ZNF76: variants seen among roughly 807,000 people sequenced by gnomAD.
The protein encoded by ZNF76 is zinc finger protein 523.
Under a neutral mutation model 66.9 loss-of-function variants are expected in ZNF76, and 66 were observed. That is an observed-to-expected ratio of 0.99 (90% CI 0.81 to 1.21). ZNF76 has a LOEUF of 1.21. Ranked by LOEUF, ZNF76 falls within the 50% of genes most tolerant of loss-of-function variation. ZNF76 has a pLI of 0.00. For synonymous variants in ZNF76, 275 were observed against 296.1 expected, an observed-to-expected ratio of 0.93 and a Z score of 0.73; for missense variants, 729 against 760.3, an observed-to-expected ratio of 0.96 and a Z score of 0.48.
intron 1 of ZNF76, among the ~76,000 whole-genome samples, chr6:35,273,216 A>G (rs1304879193): frequency 6.6e-6 from 1 of 151,288 alleles, no homozygotes; most frequent in Non-Finnish European, 1.5e-5. Context: ...TGCCCAGTGA[A>G]CTCTGGAGTG....
chr6:35,284,813 C>G (rs1293272364), intron 2 of ZNF76, among the ~76,000 whole-genome samples: 1 of 152,066 alleles, frequency 6.6e-6, no homozygotes, highest in East Asian at 1.9e-4. Flanking sequence ...TGGGCTCAAG[C>G]AATCCTCCCA....
intron 11 of ZNF76, 104 bp from the exon 12 acceptor site, chr6:35,293,647 A>T: frequency 7.2e-7 from 1 of 1,390,578 alleles, no homozygotes; most frequent in African/African-American, 1.4e-5. Flanking sequence ...ATGACATGAA[A>T]CTAATAAGCT....
intron 1 of ZNF76, among the ~76,000 whole-genome samples, chr6:35,270,964 A>G (rs976845235): frequency 3.7e-4 from 57 of 152,182 alleles, no homozygotes; most frequent in African/African-American, 1.3e-3. Flanking sequence ...CCTAGGCGAC[A>G]GAGCAAGACT....
In ZNF76 at chr6:35,287,734, G is replaced by T. The variant is rs1431893705; in HGVS notation, c.321G>T (p.Glu107Asp). The T allele has an allele frequency of 6.2e-7, 1 of 1,614,084 alleles. No homozygotes were observed. The highest frequency in any genetic ancestry group is 8.5e-7 in the Non-Finnish European group (1 of 1,180,060). Residue 107 changes from glutamate to aspartate, a missense_variant, in exon 5 of 14, where the codon GAG (glutamate) becomes GAT (aspartate). Glu to Asp is a conservative substitution (Grantham distance 45, BLOSUM62 2). Coordinates refer to ENST00000373953, the MANE Select transcript of ZNF76 (RefSeq NM_003427.5). This position sits in a 1 kb window ranked among gnomAD's most constrained non-coding sequence, Gnocchi z 4.0. Reference sequence around the variant, plus strand: ...ACCACCCTGTGGCTGTGCCATCGGAGAGCACCATCCTGGCCGTACAGACAG... The same window carrying T: ...ACCACCCTGTGGCTGTGCCATCGGATAGCACCATCCTGGCCGTACAGACAG... The part of the protein sequence containing the change: ...YIHHPVAVPS[E>D]STILAVQTEV...
rs1172060132 is a variant in ZNF76, at chr6:35,287,990, C to T, written c.432+145C>T. The T allele has an allele frequency of 2.2e-6, 2 of 920,210 alleles. No individual in the cohort carries two copies. Among genetic ancestry groups the T allele is most frequent in the Non-Finnish European group, 1.7e-6 (1 of 584,112 alleles). 57.0% of individuals were successfully genotyped at this position (920,210 alleles called of 1,614,324 possible). On this transcript the variant is annotated intron_variant, in intron 5 of 13. Coordinates refer to ENST00000373953, the MANE Select transcript of ZNF76 (RefSeq NM_003427.5). The surrounding 1 kb of genome is among the most constrained non-coding windows in gnomAD (Gnocchi z 4.0). ...GGCACCATGTGGGATATTCCCTTTGCCCCTCCACCCCAGCTCCCCCAACTC... is the reference window on the plus strand; with the variant it reads ...GGCACCATGTGGGATATTCCCTTTGTCCCTCCACCCCAGCTCCCCCAACTC...
chr6:35,294,126 A>T, intron 12 of ZNF76: 1 of 624,510 alleles, frequency 1.6e-6, no homozygotes, highest in South Asian at 2.1e-5. Context: ...CTAAATCTCA[A>T]TTCAACCCTG....
chr6:35,287,850 G>C lies in ZNF76; in HGVS notation c.432+5G>C, dbSNP rs756737131. 3 of 1,579,346 alleles carry C rather than the reference G, an allele frequency of 1.9e-6. No homozygotes were observed. The highest frequency in any genetic ancestry group is 2.6e-6 in the Non-Finnish European group (3 of 1,162,962). ...CTGGAGCAGTATGCCAGCAAGGTGA[G>C]CACGCACAGCGTGACACGGTCTGTC... On this transcript the variant is annotated splice_donor_5th_base_variant and intron_variant, in intron 5 of 13. Transcript: ENST00000373953. The surrounding 1 kb of genome is among the most constrained non-coding windows in gnomAD (Gnocchi z 4.0).
intron 1 of ZNF76, among the ~76,000 whole-genome samples, chr6:35,264,083 C>T (rs1016880124): frequency 1.3e-5 from 2 of 152,154 alleles, no homozygotes; most frequent in African/African-American, 4.8e-5. Flanking sequence ...CATCTCTTCC[C>T]TCACATTTAG....
chr6:35,269,168 C>A (rs1489873643), intron 1 of ZNF76, among the ~76,000 whole-genome samples: 1 of 151,696 alleles, frequency 6.6e-6, no homozygotes, highest in Admixed American at 6.6e-5. Flanking sequence ...GTAGTCCCAG[C>A]CACTGGGGAG....
chr6:35,283,340 T>C (rs541779558), intron 2 of ZNF76, among the ~76,000 whole-genome samples: 1 of 152,358 alleles, frequency 6.6e-6, no homozygotes, highest in South Asian at 2.1e-4. Context: ...AACCACACTT[T>C]CCTGAAAGGC....
chr6:35,294,594 G>A (rs201579080), intron 13 of ZNF76, 25 bp downstream of exon 13: 1 of 1,493,968 alleles, frequency 6.7e-7, no homozygotes, highest in East Asian at 2.3e-5. Flanking sequence ...GGGAGGAAAG[G>A]GGATCCCACG....
At chr6:35,265,518 A>G (rs1367731567) in intron 1 of ZNF76, among the ~76,000 whole-genome samples, 1 of 148,304 alleles carries the variant, frequency 6.7e-6, no homozygotes, top group East Asian at 1.9e-4. Context: ...AAAAAAAAAA[A>G]AAAAGAAGAA....
intron 1 of ZNF76, among the ~76,000 whole-genome samples, chr6:35,271,012 T>C (rs941612958): frequency 6.6e-6 from 1 of 152,012 alleles, no homozygotes; most frequent in Non-Finnish European, 1.5e-5. Context: ...GTTTTATACC[T>C]AGCCATTTTT....
At position 35,287,683 on chromosome 6, in the gene ZNF76, G is replaced by A. The variant is rs761627661; in HGVS notation, c.270G>A (p.Leu90=). 6.2e-7 allele frequency: 1 copy of A among 1,614,088 alleles called. No homozygotes were observed. Among genetic ancestry groups the A allele is most frequent in the South Asian group, 1.1e-5 (1 of 91,078 alleles). The part of the protein sequence containing the change: ...YDPSTLEAVQ[L]EDGSTAYIHH... The stretch of plus-strand genomic sequence containing the variant: ...CCAGCACCCTGGAAGCCGTCCAACT[G>A]GAAGATGGCTCCACTGCCTACATTC... The change falls in exon 5 of 14, where the codon CTG becomes CTA. Residue 90 remains leucine (L), a synonymous_variant. Transcript: ENST00000373953. The surrounding 1 kb of genome is among the most constrained non-coding windows in gnomAD (Gnocchi z 4.0).
At chr6:35,282,567 G>A (rs1026169094) in intron 2 of ZNF76, among the ~76,000 whole-genome samples, 1 of 152,062 alleles carries the variant, frequency 6.6e-6, no homozygotes, top group Non-Finnish European at 1.5e-5. Flanking sequence ...GATAGCATTC[G>A]TGTCTTCCTT....
At chr6:35,295,109 A>C in intron 13 of ZNF76, 35 bp from the exon 14 acceptor site, 1 of 1,538,790 alleles carries the variant, frequency 6.5e-7, no homozygotes, top group Non-Finnish European at 8.9e-7. Context: ...GGAGGGTCTC[A>C]CTGTCTCCTT....
Position 35,293,983 on chromosome 6 carries a change from T to C in ZNF76, c.1494+68T>C. The C allele has an allele frequency of 1.9e-6, 3 of 1,572,508 alleles. No individual in the cohort carries two copies. The South Asian group carries it at 3.5e-5, about 19-fold the overall frequency. On this transcript the variant is annotated intron_variant, in intron 12 of 13. Coordinates refer to ENST00000373953, the MANE Select transcript of ZNF76 (RefSeq NM_003427.5). ...CCTTTCCATGGGGCGGGCATTAAAG[T>C]GCAGCCTAAACTAGTCAAGTCTTCT... is the stretch of plus-strand genomic sequence containing the variant.
At chr6:35,274,643 T>C (rs565935997) in intron 1 of ZNF76, among the ~76,000 whole-genome samples, 9 of 152,316 alleles carry the variant, frequency 5.9e-5, no homozygotes, top group Non-Finnish European at 1.0e-4. Context: ...GAGGATCGCT[T>C]GAGCCCAGGA....
intron 1 of ZNF76, among the ~76,000 whole-genome samples, chr6:35,275,995 A>G (rs1362583781): frequency 6.6e-6 from 1 of 152,222 alleles, no homozygotes; most frequent in Non-Finnish European, 1.5e-5. Context: ...GGGGCCAGCC[A>G]GCCTGGCTTT....
Sources: allele counts gnomAD v4.1 joint callset (sites outside exome capture counted in the v4.1 genomes callset), GRCh38; gene constraint gnomAD v4.1.1; non-coding constraint Gnocchi (gnomAD v3.1); transcripts MANE v1.5; gene names NCBI Gene and HGNC (gene_info 2026-07-23, HGNC 2026-07-21).